Variants in MMP15 observed in about 807,000 individuals in gnomAD.
The protein encoded by MMP15 is matrix metallopeptidase 15.
MMP15 carries 36 observed loss-of-function variants against 65.0 expected under a neutral mutation model. The ratio of observed to expected loss-of-function variants is 0.55; its 90% CI spans 0.42 to 0.73. MMP15 has a LOEUF of 0.73. Among genes scored for constraint, MMP15 ranks in the 30% least tolerant of loss-of-function variants. MMP15 has a pLI of 0.00. For missense variants in MMP15, 870 were observed against 987.8 expected (o/e 0.88, Z 1.60); for synonymous variants, 428 against 410.2 (o/e 1.04, Z -0.52).
Position 58,039,881 on chromosome 16 carries a change from G to C in MMP15, c.447G>C (p.Gln149His), listed in dbSNP as rs1287486456. 6.3e-7 allele frequency: 1 copy of C among 1,599,890 alleles called. No individual in the cohort carries two copies. Among genetic ancestry groups the C allele is most frequent in the East Asian group, 2.2e-5 (1 of 44,538 alleles). Residue 149 changes from glutamine (Q) to histidine (H), a missense_variant, in exon 4 of 10, where the codon CAG becomes CAC. Coordinates refer to ENST00000219271, the MANE Select transcript of MMP15 (RefSeq NM_002428.4). ...WNNHHLTFSI[Q>H]NYTEKLGWYH... is the part of the protein sequence containing the mutation. ...ATCTCCCACCCACCCCCAGCATCCA[G>C]AACTACACGGAGAAGTTGGGCTGGT...
chr16:58,043,534 A>T lies in MMP15; in HGVS notation c.1477A>T (p.Thr493Ser), dbSNP rs1163172008. The T allele has an allele frequency of 6.2e-7, 1 of 1,613,958 alleles. No individual in the cohort carries two copies. The highest frequency in any genetic ancestry group is 1.3e-5 in the African/African-American group (1 of 75,028). ...CAGGTACTGGCGCTTCAACGAGGAG[A>T]CACAGCGTGGAGACCCTGGGTACCC... The part of the protein sequence containing the change: ...EDRYWRFNEE[T>S]QRGDPGYPKP... Residue 493 changes from threonine to serine, a missense_variant, in exon 9 of 10, where the codon ACA (threonine) becomes TCA (serine). Thr to Ser is a moderately conservative substitution (Grantham distance 58). Coordinates refer to ENST00000219271, the MANE Select transcript of MMP15 (RefSeq NM_002428.4).
chr16:58,038,507 C>T lies in MMP15; in HGVS notation c.440+113C>T, dbSNP rs901912092. On this transcript the variant is annotated intron_variant, in intron 3 of 9. Coordinates refer to ENST00000219271, the MANE Select transcript of MMP15 (RefSeq NM_002428.4). ...GCCTTAACAGTCCAGCCCGCTTTCA[C>T]GCTGATGAGACCAGCCACACACGCC... is the stretch of plus-strand genomic sequence containing the variant. 5.7e-5 allele frequency: 79 copies of T among 1,380,346 alleles called. 1 individual carries two copies. The highest frequency in any genetic ancestry group is 1.6e-4 in the East Asian group (7 of 42,444). The allele number at this position is 1,380,346 out of a possible 1,614,324, so 85.5% of individuals were successfully genotyped here.
At chr16:58,043,072 G>A (rs1226921049) in intron 7 of MMP15, 138 bp from the exon 8 acceptor site, 19 of 800,620 alleles carry the variant, frequency 2.4e-5, no homozygotes, top group Middle Eastern at 3.8e-4. Context: ...TGTGATGTGC[G>A]GGTGACCTCA....
chr16:58,037,731 T>A, intron 2 of MMP15, 111 bp downstream of exon 2: 1 of 1,469,876 alleles, frequency 6.8e-7, no homozygotes, highest in Non-Finnish European at 9.2e-7. Context: ...AGATAAGAGA[T>A]GCCAAATGGT....
At chr16:58,028,241 C>A (rs112762295) in intron 1 of MMP15, among the ~76,000 whole-genome samples, 1 of 152,170 alleles carries the variant, frequency 6.6e-6, no homozygotes, top group African/African-American at 2.4e-5. Flanking sequence ...AGCTCGATGC[C>A]GCCAGGGAAG....
intron 3 of MMP15, 137 bp from the exon 4 acceptor site, chr16:58,039,738 G>T: frequency 1.3e-6 from 1 of 788,154 alleles, no homozygotes; most frequent in South Asian, 2.0e-5. Flanking sequence ...TTCAAATTAT[G>T]ATTTACATCA....
rs776881374 is a variant in MMP15 at position 58,041,697 on chromosome 16, C to T, written c.991C>T (p.Pro331Ser). Residue 331 changes from proline (P) to serine (S), a missense_variant, in exon 6 of 10, where the codon CCG becomes TCG. By Grantham distance (74) the Pro-to-Ser change is moderately conservative (BLOSUM62 -1). Transcript: ENST00000219271. ...GCGGCCAGGCCGGCCTGACCACCGG[C>T]CGCCCCGGCCTCCCCAGCCACCACC... The part of the protein sequence containing the change: ...PRRPGRPDHR[P>S]PRPPQPPPPG... The T allele has an allele frequency of 2.3e-5, 36 of 1,578,490 alleles. No individual in the cohort carries two copies. The highest frequency in any genetic ancestry group is 1.7e-4 in the Middle Eastern group (1 of 6,022).
intron 1 of MMP15, among the ~76,000 whole-genome samples, chr16:58,027,868 C>T (rs1335102989): frequency 6.6e-6 from 1 of 152,042 alleles, no homozygotes; most frequent in Non-Finnish European, 1.5e-5. Flanking sequence ...CACCCTCCCC[C>T]ACCCCATTCA....
intron 1 of MMP15, among the ~76,000 whole-genome samples, chr16:58,031,203 T>C (rs1213122376): frequency 6.6e-6 from 1 of 152,170 alleles, no homozygotes; most frequent in Non-Finnish European, 1.5e-5. Context: ...TGAACCCAGC[T>C]CAGTCTGGCC....
chr16:58,027,374 A>C (rs1430963857), intron 1 of MMP15, among the ~76,000 whole-genome samples: 2 of 152,180 alleles, frequency 1.3e-5, no homozygotes, highest in Non-Finnish European at 2.9e-5. Context: ...GAGCGAGGAC[A>C]CCGAAGGCGC....
At chr16:58,038,218 T>A in intron 2 of MMP15, 48 bp from the exon 3 acceptor site, 1 of 1,591,798 alleles carries the variant, frequency 6.3e-7, no homozygotes, top group Non-Finnish European at 8.6e-7. Context: ...AACAGGCAGG[T>A]GTGTGGAGGG....
At position 58,043,531 on chromosome 16, in the gene MMP15, G is replaced by A. The variant is rs765880502; in HGVS notation, c.1474G>A (p.Glu492Lys). Reference protein sequence around the residue: ...QEDRYWRFNEETQRGDPGYPK... With the variant: ...QEDRYWRFNEKTQRGDPGYPK... Reference sequence around the variant, plus strand: ...TCACAGGTACTGGCGCTTCAACGAGGAGACACAGCGTGGAGACCCTGGGTA... The same window carrying A: ...TCACAGGTACTGGCGCTTCAACGAGAAGACACAGCGTGGAGACCCTGGGTA... Residue 492 changes from glutamate to lysine, a missense_variant, in exon 9 of 10, where the codon GAG becomes AAG. Physicochemically the swap from Glu to Lys is moderately conservative, Grantham distance 56 (BLOSUM62 1). Coordinates refer to ENST00000219271, the MANE Select transcript of MMP15 (RefSeq NM_002428.4). 55 of 1,613,904 alleles carry A rather than the reference G, an allele frequency of 3.4e-5. No individual in the cohort carries two copies. The East Asian group carries it at 1.2e-3, about 36-fold the overall frequency.
At position 58,045,546 on chromosome 16, in the gene MMP15, C is replaced by T. The variant is rs990239364; in HGVS notation, c.*100C>T. Reference sequence around the variant, plus strand: ...CCCCAGGTAGGGGCCCCTCTCAGCCCTCACACACCCTGTCTGCCCCGCCCT... The same window carrying T: ...CCCCAGGTAGGGGCCCCTCTCAGCCTTCACACACCCTGTCTGCCCCGCCCT... On this transcript the variant is annotated 3_prime_UTR_variant, in exon 10 of 10. Coordinates refer to ENST00000219271, the MANE Select transcript of MMP15 (RefSeq NM_002428.4). 16 of 935,922 alleles carry T rather than the reference C, an allele frequency of 1.7e-5. No individual in the cohort carries two copies. Among genetic ancestry groups the T allele is most frequent in the African/African-American group, 6.7e-5 (4 of 60,036 alleles). The allele number at this position is 935,922 out of a possible 1,614,324, so 58.0% of individuals were successfully genotyped here. A position where few individuals can be genotyped will look rare whatever the true frequency, so the allele number is the denominator to read the frequency against.
intron 1 of MMP15, among the ~76,000 whole-genome samples, chr16:58,031,571 G>A (rs181666566): frequency 6.6e-6 from 1 of 152,278 alleles, no homozygotes; most frequent in African/African-American, 2.4e-5. Flanking sequence ...CAGGGAACCC[G>A]GTTGTTTTTT....
intron 9 of MMP15, among the ~76,000 whole-genome samples, chr16:58,044,554 T>C (rs988846461): frequency 6.6e-6 from 1 of 152,186 alleles, no homozygotes; most frequent in African/African-American, 2.4e-5. Context: ...TGGCCCTGCC[T>C]GGTATTGATG....
Position 58,045,333 on chromosome 16 carries a change from C to G in MMP15, c.1897C>G (p.Leu633Val). ...TVNVVMVLVP[L>V]LLLLCVLGLT... The stretch of plus-strand genomic sequence containing the variant: ...GAACGTGGTGATGGTGCTGGTGCCA[C>G]TGCTGCTGCTGCTCTGCGTCCTGGG... Residue 633 changes from leucine to valine, a missense_variant, in exon 10 of 10, where the codon CTG (leucine) becomes GTG (valine). Coordinates refer to ENST00000219271, the MANE Select transcript of MMP15 (RefSeq NM_002428.4). The G allele has an allele frequency of 6.2e-7, 1 of 1,605,314 alleles. No homozygotes were observed. Among genetic ancestry groups the G allele is most frequent in the Non-Finnish European group, 8.5e-7 (1 of 1,177,428 alleles).
In MMP15 at chr16:58,041,661, G is replaced by A. The variant is rs763467203; in HGVS notation, c.955G>A (p.Val319Met). The A allele has an allele frequency of 6.3e-7, 1 of 1,581,484 alleles. No homozygotes were observed. The part of the protein sequence containing the change: ...QPQPTQPLPT[V>M]TPRRPGRPDH... ...ACAGCCTACCCAGCCTCTCCCCACTGTGACGCCACGGCGGCCAGGCCGGCC... is the reference window on the plus strand; with the variant it reads ...ACAGCCTACCCAGCCTCTCCCCACTATGACGCCACGGCGGCCAGGCCGGCC... Residue 319 changes from valine to methionine, a missense_variant, in exon 6 of 10, where the codon GTG becomes ATG. Val to Met is a conservative substitution (Grantham distance 21). Coordinates refer to ENST00000219271, the MANE Select transcript of MMP15 (RefSeq NM_002428.4).
At chr16:58,044,390 T>C (rs1959513399) in intron 9 of MMP15, among the ~76,000 whole-genome samples, 1 of 152,166 alleles carries the variant, frequency 6.6e-6, no homozygotes, top group Non-Finnish European at 1.5e-5. Flanking sequence ...AAGGCTGCAG[T>C]GAGCTGTGAT....
Position 58,040,094 on chromosome 16 carries a change from C to T in MMP15, c.660C>T (p.Ala220=). ...TTGATGGCACCGGTGGCTTTCTGGCCCACGCCTATTTCCCTGGCCCCGGCC... is the reference window on the plus strand; with the variant it reads ...TTGATGGCACCGGTGGCTTTCTGGCTCACGCCTATTTCCCTGGCCCCGGCC... ...SPFDGTGGFL[A]HAYFPGPGLG... is the part of the protein sequence containing the mutation. The change falls in exon 4 of 10, where the codon GCC becomes GCT. Residue 220 remains alanine, a synonymous_variant. Transcript: ENST00000219271. 6.2e-7 allele frequency: 1 copy of T among 1,614,048 alleles called. No individual in the cohort carries two copies.
Sources: gnomAD v4.1 joint callset for allele counts (sites outside exome capture counted in the v4.1 genomes callset) on GRCh38, gnomAD v4.1.1 for gene constraint, MANE v1.5 for transcripts, NCBI Gene and HGNC (gene_info 2026-07-23, HGNC 2026-07-21) for gene names.